The following ZFP30 variants were observed in gnomAD, a reference collection of about 807,000 sequenced individuals.
ZFP30 encodes the protein ZFP30 zinc finger protein, also known as zinc finger protein 30 homolog.
A neutral mutation model predicts 12.3 loss-of-function variants in ZFP30; 16 were observed. That is an observed-to-expected ratio of 1.30 (90% CI 0.88 to 1.98). ZFP30 has a LOEUF of 1.98. Ranked by LOEUF, ZFP30 falls within the 30% of genes most tolerant of loss-of-function variation. The pLI is 0.00. For missense variants in ZFP30, 560 were observed against 611.2 expected, an observed-to-expected ratio of 0.92 and a Z score of 0.88; for synonymous variants, 172 against 201.0, an observed-to-expected ratio of 0.86 and a Z score of 1.22.
At chr19:37,638,676 T>C (rs1249301886) in intron 5 of ZFP30, among the ~76,000 whole-genome samples, 1 of 152,150 alleles carries the variant, frequency 6.6e-6, no homozygotes, top group Non-Finnish European at 1.5e-5. Flanking sequence ...TACAACTACA[T>C]GCAGCAAGGG....
chr19:37,631,931 G>A lies in ZFP30; in HGVS notation c.*3050C>T, dbSNP rs916332211. ...TCATACGGAAAATGTCTAGATTTTC[G>A]TTTTGCCAGCCCTCCTCACCTAGTT... is the stretch of plus-strand genomic sequence containing the variant. On this transcript the variant is annotated 3_prime_UTR_variant, in exon 6 of 6. Transcript: ENST00000684514. 3.9e-5 allele frequency: 6 copies of A among 151,934 alleles called. No individual in the cohort carries two copies. The highest frequency in any genetic ancestry group is 1.9e-4 in the East Asian group (1 of 5,190). 9.4% of individuals were successfully genotyped at this position (151,934 alleles called of 1,614,324 possible).
At chr19:37,651,817 C>G (rs1449007230) in intron 2 of ZFP30, among the ~76,000 whole-genome samples, 3 of 151,982 alleles carry the variant, frequency 2.0e-5, no homozygotes, top group Non-Finnish European at 4.4e-5. Context: ...TCCAATAAGT[C>G]ATTTCTTAAA....
intron 5 of ZFP30, among the ~76,000 whole-genome samples, chr19:37,641,110 T>TGA (rs2044426235): frequency 6.6e-6 from 1 of 152,232 alleles, no homozygotes; most frequent in African/African-American, 2.4e-5. Context: ...ATGTATTCTC[T>TGA]TCACCACATT....
At chr19:37,640,812 T>C (rs1481883369) in intron 5 of ZFP30, among the ~76,000 whole-genome samples, 1 of 152,090 alleles carries the variant, frequency 6.6e-6, no homozygotes, top group African/African-American at 2.4e-5. Context: ...CCCGGAGGTA[T>C]GCTATTTCCT....
In ZFP30 at chr19:37,646,185, T is replaced by A. The variant is rs181493532; in HGVS notation, c.10-1449A>T. Among the ~76,000 whole-genome samples, 634 of 152,250 alleles carry A rather than the reference T, an allele frequency of 4.2e-3. 2 individuals are homozygous for A. Among genetic ancestry groups the A allele is most frequent in the Non-Finnish European group, 6.5e-3 (442 of 68,024 alleles). Reference sequence around the variant, plus strand: ...ACCTGATTATCAGATCAAAACAACATCATAAATATAGGGTTCCATACTATC... The same window carrying A: ...ACCTGATTATCAGATCAAAACAACAACATAAATATAGGGTTCCATACTATC... On this transcript the variant is annotated intron_variant, in intron 3 of 5. Coordinates refer to ENST00000684514, the MANE Select transcript of ZFP30 (RefSeq NM_001320669.3).
At chr19:37,652,820 C>A (rs2044678078) in intron 2 of ZFP30, among the ~76,000 whole-genome samples, 1 of 151,936 alleles carries the variant, frequency 6.6e-6, no homozygotes, top group Non-Finnish European at 1.5e-5. Flanking sequence ...ACCTTACAGT[C>A]ATTAAGAAAA....
At chr19:37,636,389 A>C in intron 5 of ZFP30, 84 bp from the exon 6 acceptor site, 2 of 185,176 alleles carry the variant, frequency 1.1e-5, no homozygotes, top group Admixed American at 1.0e-4. Flanking sequence ...ATCGGTGACC[A>C]AAAAAAAAAA....
rs376955772 is a variant in ZFP30, at chr19:37,636,695, A to G, written c.236-390T>C. Reference sequence around the variant, plus strand: ...ACTTGCCTGCCTCCTTTCTGCTCCTAGAATGTGTCACAATCTTTCTTTTCT... The same window carrying G: ...ACTTGCCTGCCTCCTTTCTGCTCCTGGAATGTGTCACAATCTTTCTTTTCT... On this transcript the variant is annotated intron_variant, in intron 5 of 5. Coordinates refer to ENST00000684514, the MANE Select transcript of ZFP30 (RefSeq NM_001320669.3). 1.2e-4 allele frequency among the ~76,000 whole-genome samples: 18 copies of G among 151,490 alleles called. No homozygotes were observed. In the East Asian group the frequency reaches 1.5e-3, roughly 13 times the overall value.
chr19:37,635,358 A>G lies in ZFP30; in HGVS notation c.1183T>C (p.Ser395Pro), dbSNP rs371199734. The G allele has an allele frequency of 1.9e-6, 3 of 1,613,386 alleles. No homozygotes were observed. The highest frequency in any genetic ancestry group is 2.5e-6 in the Non-Finnish European group (3 of 1,179,860). Residue 395 changes from serine (S) to proline (P), a missense_variant, in exon 6 of 6, where the codon TCA becomes CCA. Transcript: ENST00000684514. ...KECQKFFRRY[S>P]ELISHQGIHI... ...ATACCCTGATGTGAAATAAGTTCTG[A>G]GTAACGACGAAAGAACTTCTGACAT...
chr19:37,654,125 T>G (rs1431863235), intron 2 of ZFP30, among the ~76,000 whole-genome samples: 1 of 152,206 alleles, frequency 6.6e-6, no homozygotes, highest in Admixed American at 6.5e-5. Context: ...AAGTATACAC[T>G]ATTACAATTC....
rs2044274724 is a variant in ZFP30 at position 37,633,931 on chromosome 19, CA to C, written c.*1049del. 1 of 152,176 alleles carries C rather than the reference CA, an allele frequency of 6.6e-6. No individual in the cohort carries two copies. Among genetic ancestry groups the C allele is most frequent in the Non-Finnish European group, 1.5e-5 (1 of 68,032 alleles). The allele number at this position is 152,176 out of a possible 1,614,324, so 9.4% of individuals were successfully genotyped here. On this transcript the variant is annotated 3_prime_UTR_variant, in exon 6 of 6. Transcript: ENST00000684514. ...TAACAAATACACTTTTACATAACCACAATGCTATTATCACACATAACAAAGT... is the reference window on the plus strand; with the variant it reads ...TAACAAATACACTTTTACATAACCACATGCTATTATCACACATAACAAAGT...
chr19:37,640,635 C>A (rs923813093), intron 5 of ZFP30, among the ~76,000 whole-genome samples: 1 of 151,334 alleles, frequency 6.6e-6, no homozygotes, highest in African/African-American at 2.4e-5. Flanking sequence ...ACCTGTAATA[C>A]AAGCACTCTG....
At position 37,647,802 on chromosome 19, in the gene ZFP30, A is replaced by C. The variant is rs1437853131; in HGVS notation, c.9+12T>G. 2.5e-6 allele frequency: 4 copies of C among 1,613,914 alleles called. No individual in the cohort carries two copies. In the African/African-American group the frequency reaches 5.3e-5, roughly 22 times the overall value. On this transcript the variant is annotated intron_variant, in intron 3 of 5. Transcript: ENST00000684514. ...TGACAGAATTCCAAAGTAGAGAGAA[A>C]TTCCAACTTACACGAGCCATGATTT...
rs894745523 is a variant in ZFP30 at position 37,634,566 on chromosome 19, C to T, written c.*415G>A. The T allele has an allele frequency of 3.8e-5, 6 of 158,044 alleles. No individual in the cohort carries two copies. Among genetic ancestry groups the T allele is most frequent in the African/African-American group, 1.4e-4 (6 of 41,732 alleles). The allele number at this position is 158,044 out of a possible 1,614,324, so 9.8% of individuals were successfully genotyped here. A position where few individuals can be genotyped will look rare whatever the true frequency, so the allele number is the denominator to read the frequency against. Reference sequence around the variant, plus strand: ...CCTGGAATTTTCTAATAAAGAAGAACTTTACCTCCTTAACTTCTGGTTGCC... The same window carrying T: ...CCTGGAATTTTCTAATAAAGAAGAATTTTACCTCCTTAACTTCTGGTTGCC... On this transcript the variant is annotated 3_prime_UTR_variant, in exon 6 of 6. Transcript: ENST00000684514.
chr19:37,650,478 C>T (rs962786789), intron 2 of ZFP30, among the ~76,000 whole-genome samples: 2 of 152,110 alleles, frequency 1.3e-5, no homozygotes, highest in Admixed American at 1.3e-4. Flanking sequence ...AGGAATATCA[C>T]AAAAAGCTCC....
Position 37,635,160 on chromosome 19 carries a change from T to TA in ZFP30, c.1380dup (p.Thr461TyrfsTer3). ...TTACAGTCATAGGGCTTTTCACCAG[T>TA]ATGAATACTTTGATGTTGGGTAAGT... On this transcript the variant is annotated frameshift_variant, in exon 6 of 6. Transcript: ENST00000684514. LOFTEE classifies it high-confidence loss of function. The TA allele has an allele frequency of 1.2e-6, 2 of 1,612,480 alleles. No individual in the cohort carries two copies. Among genetic ancestry groups the TA allele is most frequent in the Non-Finnish European group, 1.7e-6 (2 of 1,179,094 alleles).
In ZFP30 at chr19:37,643,335, C is replaced by G. The variant is rs1332975695; in HGVS notation, c.165G>C (p.Val55=). 15 of 1,606,084 alleles carry G rather than the reference C, an allele frequency of 9.3e-6. No homozygotes were observed. Among genetic ancestry groups the G allele is most frequent in the Non-Finnish European group, 1.3e-5 (15 of 1,176,550 alleles). ...CTTTCCCTTGTTCCAATAGGGTGAT[C>G]ACATCTGGCTTAGAAATAGAACATC... ...LAGCSISKPD[V]ITLLEQGKEP... Residue 55 remains valine (V), a synonymous_variant, in exon 5 of 6, where the codon GTG becomes GTC. Transcript: ENST00000684514.
In ZFP30 at chr19:37,643,357, C is replaced by T. The variant is rs1261668950; in HGVS notation, c.143G>A (p.Cys48Tyr). The change falls in exon 5 of 6, where the codon TGT becomes TAT. Residue 48 changes from cysteine to tyrosine, a missense_variant. Coordinates refer to ENST00000684514, the MANE Select transcript of ZFP30 (RefSeq NM_001320669.3). ...GATCACATCTGGCTTAGAAATAGAA[C>T]ATCCTGCTTAAAAATAAATAATAGA... ...NYSNLVSLAGCSISKPDVITL... is the reference protein window; with the variant it reads ...NYSNLVSLAGYSISKPDVITL... 5 of 1,578,286 alleles carry T rather than the reference C, an allele frequency of 3.2e-6. No homozygotes were observed. Among genetic ancestry groups the T allele is most frequent in the Non-Finnish European group, 8.6e-7 (1 of 1,164,142 alleles).
chr19:37,640,185 T>C (rs1231855426), intron 5 of ZFP30, among the ~76,000 whole-genome samples: 4 of 152,124 alleles, frequency 2.6e-5, no homozygotes, highest in Admixed American at 6.5e-5. Flanking sequence ...TTCACAAGTA[T>C]CTTTACATTC....
Sources: allele counts gnomAD v4.1 joint callset (sites outside exome capture counted in the v4.1 genomes callset), GRCh38; gene constraint gnomAD v4.1.1; transcripts MANE v1.5; gene names NCBI Gene and HGNC (gene_info 2026-07-23, HGNC 2026-07-21).